RYR2: variants seen among roughly 807,000 people sequenced by gnomAD.
The protein encoded by RYR2 is ryanodine receptor 2.
RYR2 carries 227 observed loss-of-function variants against 601.1 expected under a neutral mutation model. The observed-to-expected ratio is 0.38, with a 90% CI of 0.34 to 0.42. RYR2 has a LOEUF of 0.42. Ranked by LOEUF, RYR2 falls within the 10% of genes least tolerant of loss-of-function variation. The pLI, the probability that RYR2 is intolerant of heterozygous loss-of-function variation, is 1.00. For missense variants in RYR2, 4,646 were observed against 6,156.5 expected, an observed-to-expected ratio of 0.75 and a Z score of 8.21; for synonymous variants, 2,223 against 2,175.1, an observed-to-expected ratio of 1.02 and a Z score of -0.61.
chr1:237,207,156 A>C (rs1681905130), intron 1 of RYR2, among the ~76,000 whole-genome samples: 1 of 152,106 alleles, frequency 6.6e-6, no homozygotes, highest in Non-Finnish European at 1.5e-5. Context: ...AAAAAAAAAA[A>C]AAATTAAAAA....
At chr1:237,309,706 C>T (rs1464428601) in intron 2 of RYR2, among the ~76,000 whole-genome samples, 9 of 152,268 alleles carry the variant, frequency 5.9e-5, no homozygotes, top group East Asian at 5.8e-4. Context: ...GAGGCTCGGA[C>T]ACGCAGGAGC....
intron 24 of RYR2, among the ~76,000 whole-genome samples, 182 bp downstream of exon 24, chr1:237,511,973 C>A (rs12086913): frequency 0.01 from 1,530 of 151,928 alleles, 32 homozygotes; most frequent in African/African-American, 0.034. Context: ...AAGACTTTGA[C>A]CCTGTTAATT....
Position 237,454,878 on chromosome 1 carries a change from A to G in RYR2, c.1476+304A>G, listed in dbSNP as rs755029199. Among the ~76,000 whole-genome samples the G allele has an allele frequency of 9.8e-5, 15 of 152,296 alleles. No individual in the cohort carries two copies. In the East Asian group the frequency reaches 1.9e-3, roughly 20 times the overall value. ...CACTATAGTTCTCTTCATGTGGGTT[A>G]TATCAATTAAGAATCTCAAAGTGTC... On this transcript the variant is annotated intron_variant, in intron 15 of 104. Coordinates refer to ENST00000366574, the MANE Select transcript of RYR2 (RefSeq NM_001035.3).
intron 48 of RYR2, among the ~76,000 whole-genome samples, chr1:237,646,064 A>G (rs967580683): frequency 9.2e-5 from 14 of 151,886 alleles, no homozygotes; most frequent in Non-Finnish European, 1.9e-4. Context: ...TTTTTCGTAG[A>G]CACGGGGTTT....
chr1:237,228,474 C>T lies in RYR2; in HGVS notation c.49-42023C>T, dbSNP rs143490087. 1.8e-4 allele frequency among the ~76,000 whole-genome samples: 28 copies of T among 152,194 alleles called. 1 individual carries two copies. In the East Asian group the frequency reaches 5.0e-3, roughly 27 times the overall value. On this transcript the variant is annotated intron_variant, in intron 1 of 104. Coordinates refer to ENST00000366574, the MANE Select transcript of RYR2 (RefSeq NM_001035.3). ...TCTTTTTCGTATAATGCCTTCTTTT[C>T]CTCTGGGAACTTAACTCTTGTTTCT...
Position 237,783,805 on chromosome 1 carries a change from T to G in RYR2, c.12093T>G (p.Thr4031=). The change falls in exon 90 of 105, where the codon ACT becomes ACG. Residue 4031 remains threonine (T), a synonymous_variant. Coordinates refer to ENST00000366574, the MANE Select transcript of RYR2 (RefSeq NM_001035.3). The stretch of plus-strand genomic sequence containing the variant: ...TAAAGGATTTGACGTCGTCTGATAC[T>G]TTTAAAGAATATGACCCCGATGGCA... The part of the protein sequence containing the change: ...LKLKDLTSSD[T]FKEYDPDGKG... The G allele has an allele frequency of 6.2e-7, 1 of 1,613,774 alleles. No homozygotes were observed. Among genetic ancestry groups the G allele is most frequent in the Non-Finnish European group, 8.5e-7 (1 of 1,179,810 alleles).
chr1:237,797,105 GACTC>G (rs74259954), intron 96 of RYR2, among the ~76,000 whole-genome samples: 8,476 of 151,926 alleles, frequency 0.056, 314 homozygotes, highest in African/African-American at 0.1. Context: ...TACTGTGTAA[GACTC>G]ACTCAGGAGG....
intron 94 of RYR2, among the ~76,000 whole-genome samples, chr1:237,793,312 G>A (rs117645754): frequency 0.038 from 5,770 of 152,240 alleles, 120 homozygotes; most frequent in Middle Eastern, 0.12. Context: ...AAGTCTGTCC[G>A]TGTAAAAAGA....
intron 1 of RYR2, among the ~76,000 whole-genome samples, chr1:237,243,492 A>G (rs1483014505): frequency 1.3e-5 from 2 of 152,218 alleles, no homozygotes; most frequent in Non-Finnish European, 2.9e-5. Flanking sequence ...GAAGGGGTGC[A>G]GAGCTTCCAT....
intron 68 of RYR2, among the ~76,000 whole-genome samples, chr1:237,707,539 A>G (rs1279850513): frequency 6.6e-6 from 1 of 152,226 alleles, no homozygotes; most frequent in Non-Finnish European, 1.5e-5. Flanking sequence ...TAATGATTTT[A>G]TAGCCAGAGA....
chr1:237,266,117 A>G (rs556587479), intron 1 of RYR2, among the ~76,000 whole-genome samples: 112 of 152,252 alleles, frequency 7.4e-4, no homozygotes, highest in Non-Finnish European at 1.4e-3. Context: ...CAGAAACACT[A>G]TTGGCACAGG....
intron 48 of RYR2, among the ~76,000 whole-genome samples, chr1:237,644,652 G>A (rs954526658): frequency 1.3e-5 from 2 of 152,138 alleles, no homozygotes; most frequent in African/African-American, 4.8e-5. Flanking sequence ...TTTATCAAAT[G>A]TAAGGTGTTT....
At chr1:237,689,845 CTTT>C (rs537648561) in intron 63 of RYR2, among the ~76,000 whole-genome samples, 1 of 140,374 alleles carries the variant, frequency 7.1e-6, no homozygotes, top group Admixed American at 7.1e-5. Context: ...ATCTTTAAGT[CTTT>C]TTTTTTTTTT....
intron 49 of RYR2, 139 bp from the exon 50 acceptor site, chr1:237,649,738 T>G: frequency 1.5e-6 from 1 of 666,698 alleles, no homozygotes; most frequent in Non-Finnish European, 2.5e-6. Flanking sequence ...CACTTAAAGA[T>G]GTAACTAAAG....
intron 17 of RYR2, among the ~76,000 whole-genome samples, chr1:237,475,916 T>C (rs1269119022): frequency 3.6e-5 from 4 of 111,872 alleles, no homozygotes; most frequent in Non-Finnish European, 6.4e-5. Flanking sequence ...CCAAAGTTAA[T>C]TGAAAAGACA....
At chr1:237,659,889 GTTTAT>G in intron 54 of RYR2, 91 bp from the exon 55 acceptor site, 1 of 697,716 alleles carries the variant, frequency 1.4e-6, no homozygotes, top group East Asian at 3.2e-5. Flanking sequence ...TTCATTTTAG[GTTTAT>G]TTTATCAAAC....
At chr1:237,586,807 C>G (rs1337505126) in intron 29 of RYR2, among the ~76,000 whole-genome samples, 1 of 152,076 alleles carries the variant, frequency 6.6e-6, no homozygotes, top group African/African-American at 2.4e-5. Flanking sequence ...GCAATGTCCA[C>G]TTCCCAGGTT....
At chr1:237,804,327 TAAAA>T (rs1660360319) in intron 98 of RYR2, among the ~76,000 whole-genome samples, 1 of 149,514 alleles carries the variant, frequency 6.7e-6, no homozygotes, top group African/African-American at 2.5e-5. Context: ...GTGTGCTTTT[TAAAA>T]ATGCTGTTTT....
chr1:237,127,453 C>T (rs1006688327), intron 1 of RYR2, among the ~76,000 whole-genome samples: 9 of 148,712 alleles, frequency 6.1e-5, no homozygotes, highest in Non-Finnish European at 1.0e-4. Context: ...GGCGGCTGGC[C>T]GGGCAGGGGG....
Sources: allele counts gnomAD v4.1 joint callset (sites outside exome capture counted in the v4.1 genomes callset), GRCh38; gene constraint gnomAD v4.1.1; transcripts MANE v1.5; gene names NCBI Gene and HGNC (gene_info 2026-07-23, HGNC 2026-07-21).